The following PAX8 variants were observed in gnomAD, a reference collection of about 807,000 sequenced individuals.
The protein encoded by PAX8 is paired box 8.
PAX8 carries 15 observed loss-of-function variants against 52.4 expected under a neutral mutation model. That is an observed-to-expected ratio of 0.29 (90% CI 0.19 to 0.44). The LOEUF (loss-of-function observed/expected upper bound fraction) is 0.44, where lower values mean the gene tolerates loss of function less well. PAX8 is among the 20% of genes least tolerant of loss of function. The pLI is 1.00. For missense variants in PAX8, 554 were observed against 602.5 expected, an observed-to-expected ratio of 0.92 and a Z score of 0.84; for synonymous variants, 284 against 249.7, an observed-to-expected ratio of 1.14 and a Z score of -1.29.
At chr2:113,261,258 C>T (rs990385426) in intron 2 of PAX8, among the ~76,000 whole-genome samples, 38 of 152,156 alleles carry the variant, frequency 2.5e-4, no homozygotes, top group African/African-American at 8.0e-4. Context: ...CGATGCCAGT[C>T]TGTGCCTCAG....
intron 9 of PAX8, 99 bp from the exon 10 acceptor site, chr2:113,227,355 C>A (rs1689644402): frequency 1.0e-6 from 1 of 982,020 alleles, no homozygotes; most frequent in Non-Finnish European, 1.6e-6. Context: ...CCATTCCCAC[C>A]CTCTCTACAG....
chr2:113,260,892 G>A (rs910307574), intron 2 of PAX8, among the ~76,000 whole-genome samples: 5 of 151,948 alleles, frequency 3.3e-5, no homozygotes, highest in African/African-American at 1.2e-4. Context: ...GTGTGTGTGT[G>A]TGTGTGTATG....
intron 2 of PAX8, among the ~76,000 whole-genome samples, chr2:113,256,652 G>GTT (rs1299724644): frequency 6.3e-5 from 6 of 95,416 alleles, no homozygotes; most frequent in African/African-American, 2.7e-4. Context: ...GTGTGTGTGT[G>GTT]TGTATATATA....
At chr2:113,265,678 C>T (rs747977178) in intron 2 of PAX8, 7 of 152,164 alleles carry the variant, frequency 4.6e-5, no homozygotes, top group Non-Finnish European at 1.0e-4. Flanking sequence ...GGTGAAAGTT[C>T]AGTTTGCTTT....
chr2:113,261,793 G>A (rs1467519338), intron 2 of PAX8, among the ~76,000 whole-genome samples: 8 of 152,042 alleles, frequency 5.3e-5, no homozygotes, highest in Non-Finnish European at 1.0e-4. Context: ...AACATGTCCT[G>A]AAGCAAGTCA....
intron 2 of PAX8, chr2:113,267,378 C>T (rs959868239): frequency 6.6e-6 from 1 of 152,162 alleles, no homozygotes; most frequent in Non-Finnish European, 1.5e-5. Context: ...GACTGGCTGC[C>T]CCTGGATCTT....
At chr2:113,241,978 C>T (rs767531329) in intron 6 of PAX8, 30 bp downstream of exon 6, 12 of 1,611,706 alleles carry the variant, frequency 7.4e-6, no homozygotes, top group South Asian at 2.2e-5. Flanking sequence ...TCTCGTGCAC[C>T]GCCCGCTGCC....
chr2:113,235,452 A>T lies in PAX8; in HGVS notation c.1029T>A (p.Asn343Lys). ...QQVGSGVPPF[N>K]AFPHAASVYG... The stretch of plus-strand genomic sequence containing the variant: ...ACACGGAGGCAGCATGGGGAAAGGC[A>T]TTGAAGGGCGGGACCCCGGAGCCGA... Residue 343 changes from asparagine (N) to lysine (K), a missense_variant, in exon 9 of 12, where the codon AAT becomes AAA. By Grantham distance (94) the Asn-to-Lys change is moderately conservative. Around this residue, in one of 2 missense-constraint regions of PAX8, gnomAD observed 445 missense variants for 409.9 expected, o/e 1.09. Transcript: ENST00000429538. The T allele has an allele frequency of 1.2e-6, 2 of 1,610,982 alleles. No individual in the cohort carries two copies. Among genetic ancestry groups the T allele is most frequent in the Non-Finnish European group, 1.7e-6 (2 of 1,178,580 alleles).
intron 9 of PAX8, among the ~76,000 whole-genome samples, chr2:113,228,739 G>C (rs1689726661): frequency 6.6e-6 from 1 of 152,160 alleles, no homozygotes; most frequent in Admixed American, 6.5e-5. Context: ...TGTGAGCCCT[G>C]TTAACCAACT....
chr2:113,237,393 A>G (rs1690450327), intron 7 of PAX8: 1 of 152,116 alleles, frequency 6.6e-6, no homozygotes, highest in Non-Finnish European at 1.5e-5. Context: ...AAATGGCCCA[A>G]TTTTGTATAG....
At position 113,241,572 on chromosome 2, in the gene PAX8, G is replaced by T. The variant is rs761095921; in HGVS notation, c.756C>A (p.Pro252=). The change falls in exon 7 of 12, where the codon CCC becomes CCA. Residue 252 remains proline, a synonymous_variant. Coordinates refer to ENST00000429538, the MANE Select transcript of PAX8 (RefSeq NM_003466.4). ...RQHYPEAYAS[P]SHTKGEQGLY... The stretch of plus-strand genomic sequence containing the variant: ...TCACCTGCTCGCCTTTGGTGTGGCT[G>T]GGGGAGGCATAGGCCTCTGGGTAGT... 6.2e-7 allele frequency: 1 copy of T among 1,609,916 alleles called. No individual in the cohort carries two copies. The highest frequency in any genetic ancestry group is 1.7e-5 in the Admixed American group (1 of 59,510).
chr2:113,278,422 AGGG>A lies in PAX8; in HGVS notation c.-31_-29del. On this transcript the variant is annotated 5_prime_UTR_variant, in exon 2 of 12. Coordinates refer to ENST00000429538, the MANE Select transcript of PAX8 (RefSeq NM_003466.4). Reference sequence around the variant, plus strand: ...CCGGGGAGTCGCTCGCAGCCCGCCGAGGGCTCGGGGCTTCCTCCCGTAGGTCCG... The same window carrying A: ...CCGGGGAGTCGCTCGCAGCCCGCCGACTCGGGGCTTCCTCCCGTAGGTCCG... 5.0e-6 allele frequency: 8 copies of A among 1,610,378 alleles called. No homozygotes were observed. Among genetic ancestry groups the A allele is most frequent in the Non-Finnish European group, 6.8e-6 (8 of 1,178,796 alleles).
intron 3 of PAX8, among the ~76,000 whole-genome samples, chr2:113,245,724 A>G (rs2104503787): frequency 6.6e-6 from 1 of 152,108 alleles, no homozygotes; most frequent in East Asian, 1.9e-4. Context: ...AAAAGAATCT[A>G]GCTCTTTAAA....
At chr2:113,243,594 G>A (rs550960690) in intron 4 of PAX8, among the ~76,000 whole-genome samples, 1 of 152,306 alleles carries the variant, frequency 6.6e-6, no homozygotes, top group East Asian at 1.9e-4. Flanking sequence ...GTTTCACCAT[G>A]TTGGCCAGGT....
intron 1 of PAX8, 137 bp from the exon 2 acceptor site, chr2:113,278,606 AC>A (rs1693996421): frequency 4.6e-5 from 37 of 809,446 alleles, no homozygotes; most frequent in Non-Finnish European, 7.0e-5. Flanking sequence ...AGTAGGGCCA[AC>A]CTCAGCCTAG....
At chr2:113,264,453 T>C (rs1239018182) in intron 2 of PAX8, among the ~76,000 whole-genome samples, 1 of 152,232 alleles carries the variant, frequency 6.6e-6, no homozygotes, top group African/African-American at 2.4e-5. Context: ...GTATTTCATG[T>C]TGGAAAAACT....
In PAX8 at chr2:113,236,738, A is replaced by T; in HGVS notation, c.778-17T>A. 1 of 1,551,314 alleles carries T rather than the reference A, an allele frequency of 6.4e-7. No individual in the cohort carries two copies. On this transcript the variant is annotated splice_polypyrimidine_tract_variant and intron_variant, in intron 7 of 11. Transcript: ENST00000429538. ...GTAGAGGCCCTGGGGAGCAAAGAGA[A>T]GTCAGCGCACAGAGACGATCCAACA...
intron 2 of PAX8, among the ~76,000 whole-genome samples, chr2:113,252,817 C>T (rs1248473797): frequency 6.6e-6 from 1 of 152,206 alleles, no homozygotes; most frequent in East Asian, 1.9e-4. Flanking sequence ...TATACCAGGT[C>T]CTTCCCCTAA....
intron 2 of PAX8, chr2:113,275,158 A>G (rs1414398880): frequency 2.0e-5 from 3 of 152,230 alleles, no homozygotes; most frequent in Non-Finnish European, 2.9e-5. Flanking sequence ...AATGCTTCCA[A>G]TAGACATCAA....
Sources: gnomAD v4.1 joint callset for allele counts (sites outside exome capture counted in the v4.1 genomes callset) on GRCh38, gnomAD v4.1.1 for gene constraint, gnomAD v4.1.1 regional missense constraint, MANE v1.5 for transcripts, NCBI Gene and HGNC (gene_info 2026-07-23, HGNC 2026-07-21) for gene names.